TANC2: variants seen among roughly 807,000 people sequenced by gnomAD.
TANC2 encodes the protein tetratricopeptide repeat, ankyrin repeat and coiled-coil containing 2.
In TANC2, 26 loss-of-function variants were observed where a neutral mutation model predicts 210.5. The observed-to-expected ratio is 0.12, with a 90% CI of 0.09 to 0.17. The LOEUF (loss-of-function observed/expected upper bound fraction) is 0.17, where lower values mean the gene tolerates loss of function less well. Ranked by LOEUF, TANC2 falls within the 10% of genes least tolerant of loss-of-function variation. The pLI is 1.00. For synonymous variants in TANC2, 931 were observed against 967.1 expected (o/e 0.96, Z 0.69); for missense variants, 2,129 against 2,608.9 (o/e 0.82, Z 4.01).
intron 14 of TANC2, among the ~76,000 whole-genome samples, chr17:63,356,613 A>C (rs1347795869): frequency 6.6e-6 from 1 of 152,214 alleles, no homozygotes; most frequent in African/African-American, 2.4e-5. Flanking sequence ...CAGGCAATAG[A>C]CTTTGTAGCA....
chr17:63,406,029 A>C, intron 20 of TANC2, 125 bp from the exon 21 acceptor site: 1 of 1,208,484 alleles, frequency 8.3e-7, no homozygotes, highest in Non-Finnish European at 1.2e-6. Context: ...TTATGGGGGA[A>C]GTGGAAAGAT....
exon 12 of TANC2, chr17:63,340,189 G>A (rs200481329): frequency 2.2e-5 from 36 of 1,613,692 alleles, no homozygotes; most frequent in Admixed American, 8.3e-5. Context: ...TTGCTCTGCC[G>A]CTCACCTCAG....
intron 1 of TANC2, among the ~76,000 whole-genome samples, chr17:62,992,373 T>C (rs2032912899): frequency 6.6e-6 from 1 of 152,228 alleles, no homozygotes; most frequent in South Asian, 2.1e-4. Flanking sequence ...TAATAGTTCT[T>C]ATGTGATATG....
At chr17:63,221,015 A>G (rs2042172899) in intron 7 of TANC2, among the ~76,000 whole-genome samples, 2 of 151,998 alleles carry the variant, frequency 1.3e-5, no homozygotes, top group African/African-American at 4.8e-5. Context: ...TAATAGATTT[A>G]ACATAAGCCT....
chr17:63,096,246 G>A (rs2037383229), intron 3 of TANC2, among the ~76,000 whole-genome samples: 1 of 152,000 alleles, frequency 6.6e-6, no homozygotes, highest in Non-Finnish European at 1.5e-5. Flanking sequence ...TCCAGAGAGA[G>A]AAAAGAAATG....
chr17:63,193,832 T>C, intron 5 of TANC2, 159 bp from the exon 6 acceptor site: 1 of 662,332 alleles, frequency 1.5e-6, no homozygotes, highest in Middle Eastern at 3.1e-4. Context: ...AGCGAATTTA[T>C]ATTGGGAGTG....
chr17:63,412,926 G>A lies in TANC2; in HGVS notation c.3928+217G>A, dbSNP rs2048747969. On this transcript the variant is annotated intron_variant, in intron 24 of 27. Coordinates refer to ENST00000689528, the Ensembl canonical transcript of TANC2. This position sits in a 1 kb window ranked among gnomAD's most constrained non-coding sequence, Gnocchi z 4.2. Reference sequence around the variant, plus strand: ...TAGTTTGTAAATAATTCAGGCATTTGTAAACTAATCAATTTAACCTTTTCT... The same window carrying A: ...TAGTTTGTAAATAATTCAGGCATTTATAAACTAATCAATTTAACCTTTTCT... Among the ~76,000 whole-genome samples the A allele has an allele frequency of 6.6e-6, 1 of 152,104 alleles. No individual in the cohort carries two copies. The highest frequency in any genetic ancestry group is 6.6e-5 in the Admixed American group (1 of 15,266).
intron 1 of TANC2, chr17:63,005,117 T>C (rs1179639782): frequency 6.6e-6 from 1 of 152,378 alleles, no homozygotes; most frequent in East Asian, 1.9e-4. Context: ...GTGATGTTTA[T>C]TTTGAATTAA....
At chr17:63,405,977 T>TG (rs1415365402) in intron 20 of TANC2, among the ~76,000 whole-genome samples, 177 bp from the exon 21 acceptor site, 1 of 152,220 alleles carries the variant, frequency 6.6e-6, no homozygotes, top group Non-Finnish European at 1.5e-5. Flanking sequence ...TGACTGTCCC[T>TG]GAGAGAGATT....
intron 5 of TANC2, chr17:63,182,738 A>G (rs2040833453): frequency 6.5e-6 from 1 of 153,486 alleles, no homozygotes; most frequent in African/African-American, 2.4e-5. Flanking sequence ...GGCAGCTTCA[A>G]ATTTGTATCA....
At chr17:63,309,539 A>T (rs1399209983) in intron 9 of TANC2, among the ~76,000 whole-genome samples, 32 of 152,156 alleles carry the variant, frequency 2.1e-4, no homozygotes. Context: ...CATTGTTTTC[A>T]AATGTGTAAT....
chr17:63,074,004 C>T (rs764197149), exon 3 of TANC2: 3 of 1,578,704 alleles, frequency 1.9e-6, no homozygotes, highest in Admixed American at 1.8e-5. Context: ...GCCAAAGCCG[C>T]TCTGGGCAAG....
At chr17:63,168,200 A>C (rs902558708) in intron 5 of TANC2, among the ~76,000 whole-genome samples, 42 of 152,196 alleles carry the variant, frequency 2.8e-4, no homozygotes, top group African/African-American at 9.7e-4. Flanking sequence ...AGACTCTCAT[A>C]TCTTCAAAAA....
chr17:63,398,995 G>C, intron 19 of TANC2, 81 bp downstream of exon 19: 2 of 1,043,914 alleles, frequency 1.9e-6, no homozygotes, highest in East Asian at 5.4e-5. Flanking sequence ...TTTTTCCCTG[G>C]CATACATTTG....
chr17:62,973,431 A>G (rs2031824337), intron 1 of TANC2, among the ~76,000 whole-genome samples: 1 of 152,194 alleles, frequency 6.6e-6, no homozygotes, highest in African/African-American at 2.4e-5. Context: ...CAGTATAGTT[A>G]GTACATAGTA....
At chr17:63,162,899 T>C (rs1181247483) in intron 5 of TANC2, among the ~76,000 whole-genome samples, 1 of 151,970 alleles carries the variant, frequency 6.6e-6, no homozygotes, top group Non-Finnish European at 1.5e-5. Context: ...TTAACGTTAG[T>C]GGTCATTAAT....
chr17:63,327,569 A>C (rs577867000), intron 11 of TANC2, among the ~76,000 whole-genome samples: 1 of 152,344 alleles, frequency 6.6e-6, no homozygotes, highest in South Asian at 2.1e-4. Flanking sequence ...CAATCCCATT[A>C]CTGGGTATAT....
At chr17:63,242,958 G>T (rs894576265) in intron 8 of TANC2, among the ~76,000 whole-genome samples, 2 of 152,148 alleles carry the variant, frequency 1.3e-5, no homozygotes, top group Non-Finnish European at 2.9e-5. Flanking sequence ...GATTGCCTCT[G>T]TTATACTGCG....
chr17:63,292,162 A>G (rs2044401101), intron 9 of TANC2, among the ~76,000 whole-genome samples: 1 of 152,180 alleles, frequency 6.6e-6, no homozygotes, highest in African/African-American at 2.4e-5. Flanking sequence ...AATAGAATAA[A>G]CTTGGGCACC....
Sources: gnomAD v4.1 joint callset for allele counts (sites outside exome capture counted in the v4.1 genomes callset) on GRCh38, gnomAD v4.1.1 for gene constraint, Gnocchi (gnomAD v3.1) non-coding constraint, MANE v1.5 for transcripts, NCBI Gene and HGNC (gene_info 2026-07-23, HGNC 2026-07-21) for gene names.